Variants in IRGQ observed in about 807,000 individuals in gnomAD.
IRGQ encodes immunity related GTPase Q, also known as immunity-related GTPase family Q protein.
In IRGQ, 5 loss-of-function variants were observed where a neutral mutation model predicts 10.5. The ratio of observed to expected loss-of-function variants is 0.48; its 90% CI spans 0.25 to 1.00. IRGQ has a LOEUF of 1.00. Ranked by LOEUF, IRGQ falls within the 50% of genes least tolerant of loss-of-function variation. IRGQ has a pLI of 0.16. For synonymous variants in IRGQ, 418 were observed against 426.0 expected, an observed-to-expected ratio of 0.98 and a Z score of 0.23; for missense variants, 792 against 877.7, an observed-to-expected ratio of 0.90 and a Z score of 1.23.
rs762460648 is a variant in IRGQ at position 43,594,983 on chromosome 19, C to T, written c.356G>A (p.Gly119Glu). ...PLLAVRNLRP[G>E]DSQTAAQARD... is the part of the protein sequence containing the mutation. ...GGCCTGGGCGGCAGTCTGTGAATCCCCAGGACGGAGGTTCCGCACAGCCAG... is the reference window on the plus strand; with the variant it reads ...GGCCTGGGCGGCAGTCTGTGAATCCTCAGGACGGAGGTTCCGCACAGCCAG... The change falls in exon 2 of 3, where the codon GGG (glycine) becomes GAG (glutamate). Residue 119 changes from glycine to glutamate, a missense_variant. By Grantham distance (98) the Gly-to-Glu change is moderately conservative. Coordinates refer to ENST00000422989, the MANE Select transcript of IRGQ (RefSeq NM_001007561.3). 1.4e-5 allele frequency: 23 copies of T among 1,613,810 alleles called. No individual in the cohort carries two copies. Among genetic ancestry groups the T allele is most frequent in the Non-Finnish European group, 1.9e-5 (23 of 1,179,954 alleles).
chr19:43,595,306 C>T lies in IRGQ; in HGVS notation c.33G>A (p.Leu11=), dbSNP rs796368838. Residue 11 remains leucine (L), a synonymous_variant, in exon 2 of 3, where the codon TTG becomes TTA. Transcript: ENST00000422989. MPPPQGDVTA[L]FLGPPGLGKS... ...TCCCCAAGCCCGGAGGCCCCAGGAACAAGGCGGTCACGTCACCCTGCGGCG... is the reference window on the plus strand; with the variant it reads ...TCCCCAAGCCCGGAGGCCCCAGGAATAAGGCGGTCACGTCACCCTGCGGCG... The T allele has an allele frequency of 6.3e-7, 1 of 1,577,186 alleles. No homozygotes were observed. The highest frequency in any genetic ancestry group is 1.8e-5 in the Admixed American group (1 of 54,958).
Position 43,592,239 on chromosome 19 carries a change from G to A in IRGQ, c.1659C>T (p.Arg553=). The change falls in exon 3 of 3, where the codon CGC becomes CGT. Residue 553 remains arginine, a synonymous_variant. Coordinates refer to ENST00000422989, the MANE Select transcript of IRGQ (RefSeq NM_001007561.3). ...CGCCCAGTCTTGCTTCCACCTCGGC[G>A]CGCGTCACCGGGCCTGGGAAATGAG... ...ARAHFPGPVT[R]AEVEARLGAW... is the part of the protein sequence containing the mutation. 1 of 1,580,560 alleles carries A rather than the reference G, an allele frequency of 6.3e-7. No individual in the cohort carries two copies. The highest frequency in any genetic ancestry group is 8.5e-7 in the Non-Finnish European group (1 of 1,171,028).
Position 43,592,453 on chromosome 19 carries a change from C to A in IRGQ, c.1445G>T (p.Trp482Leu). The A allele has an allele frequency of 6.3e-7, 1 of 1,584,322 alleles. No homozygotes were observed. The highest frequency in any genetic ancestry group is 2.3e-5 in the East Asian group (1 of 43,896). Residue 482 changes from tryptophan to leucine, a missense_variant, in exon 3 of 3, where the codon TGG (tryptophan) becomes TTG (leucine). Trp to Leu is a moderately conservative substitution (Grantham distance 61, BLOSUM62 -2). Coordinates refer to ENST00000422989, the MANE Select transcript of IRGQ (RefSeq NM_001007561.3). ...CAGACTAGCCAGCAGAGCTGGCCTC[C>A]ACGCCCCGGCTCGCAACGCCGCAGC... ...TKAAALRAGA[W>L]RPALLASLAA...
At position 43,590,147 on chromosome 19, in the gene IRGQ, TAC is replaced by T. The variant is rs1219992849; in HGVS notation, c.*1877_*1878del. 6.6e-6 allele frequency: 1 copy of T among 151,902 alleles called. No homozygotes were observed. Among genetic ancestry groups the T allele is most frequent in the East Asian group, 1.9e-4 (1 of 5,186 alleles). The allele number at this position is 151,902 out of a possible 1,614,324, so 9.4% of individuals were successfully genotyped here. On this transcript the variant is annotated 3_prime_UTR_variant, in exon 3 of 3. Transcript: ENST00000422989. ...GGTGGCACATGCCTGTCATCTCAGC[TAC>T]AGTCATCACATCCCTGTACTCCAGA...
intron 2 of IRGQ, 100 bp downstream of exon 2, chr19:43,594,709 G>A: frequency 1.0e-6 from 1 of 961,408 alleles, no homozygotes. Context: ...GCTAAGCCTT[G>A]CCCCAAACTC....
rs551058969 is a variant in IRGQ, at chr19:43,592,426, G to C, written c.1472C>G (p.Ala491Gly). 1.9e-6 allele frequency: 3 copies of C among 1,576,796 alleles called. No homozygotes were observed. Among genetic ancestry groups the C allele is most frequent in the Admixed American group, 3.5e-5 (2 of 57,484 alleles). Reference protein sequence around the residue: ...AWRPALLASLAAAAAPLPGLG... With the variant: ...AWRPALLASLGAAAAPLPGLG... ...CCCTGGGAGTGGTGCCGCCGCCGCC[G>C]CCAGACTAGCCAGCAGAGCTGGCCT... is the stretch of plus-strand genomic sequence containing the variant. The change falls in exon 3 of 3, where the codon GCG (alanine) becomes GGG (glycine). Residue 491 changes from alanine (A) to glycine (G), a missense_variant. Coordinates refer to ENST00000422989, the MANE Select transcript of IRGQ (RefSeq NM_001007561.3).
At chr19:43,595,637 G>C (rs1407026547) in intron 1 of IRGQ, 6 of 264,048 alleles carry the variant, frequency 2.3e-5, no homozygotes, top group African/African-American at 4.4e-5. Flanking sequence ...GCCGAGGCCG[G>C]AGGATCGCTT....
In IRGQ at chr19:43,592,323, C is replaced by T. The variant is rs1436737479; in HGVS notation, c.1575G>A (p.Thr525=). The T allele has an allele frequency of 1.3e-6, 2 of 1,570,978 alleles. No homozygotes were observed. The highest frequency in any genetic ancestry group is 1.4e-5 in the African/African-American group (1 of 74,020). ...GGGCACGCTCACGTCGAGCCAGTGC[C>T]GTGGGTTCCAGCCCCAGGCCCCGTC... ...EWRRGLGLEP[T]ALARRERALG... is the part of the protein sequence containing the mutation. The change falls in exon 3 of 3, where the codon ACG becomes ACA. Residue 525 remains threonine, a synonymous_variant. Coordinates refer to ENST00000422989, the MANE Select transcript of IRGQ (RefSeq NM_001007561.3).
rs1354458876 is a variant in IRGQ, at chr19:43,592,954, T to C, written c.944A>G (p.Gln315Arg). 1 of 1,610,044 alleles carries C rather than the reference T, an allele frequency of 6.2e-7. No homozygotes were observed. The highest frequency in any genetic ancestry group is 1.1e-5 in the South Asian group (1 of 91,086). The change falls in exon 3 of 3, where the codon CAG becomes CGG. Residue 315 changes from glutamine to arginine, a missense_variant. By Grantham distance (43) the Gln-to-Arg change is conservative. Transcript: ENST00000422989. ...PGAPTEKDWA[Q>R]VQALLLPDAP... ...ATCTGGTAGCAGCAAGGCCTGGACC[T>C]GGGCCCAGTCCTTCTCAGTGGGGGC...
In IRGQ at chr19:43,592,550, G is replaced by T. The variant is rs773243880; in HGVS notation, c.1348C>A (p.Leu450Ile). ...PGLCEWLRRA[L>I]PPAQAGALLL... ...AGTGCCCCTGCCTGGGCTGGGGGGAGCGCTCGCCGCAGCCATTCGCATAGC... is the reference window on the plus strand; with the variant it reads ...AGTGCCCCTGCCTGGGCTGGGGGGATCGCTCGCCGCAGCCATTCGCATAGC... Residue 450 changes from leucine (L) to isoleucine (I), a missense_variant, in exon 3 of 3, where the codon CTC becomes ATC. By Grantham distance (5) the Leu-to-Ile change is conservative (BLOSUM62 2). Coordinates refer to ENST00000422989, the MANE Select transcript of IRGQ (RefSeq NM_001007561.3). 6.3e-7 allele frequency: 1 copy of T among 1,597,016 alleles called. No individual in the cohort carries two copies. The highest frequency in any genetic ancestry group is 2.2e-5 in the East Asian group (1 of 44,742).
rs756330662 is a variant in IRGQ, at chr19:43,593,139, C to T, written c.759G>A (p.Ala253=). 7.8e-5 allele frequency: 122 copies of T among 1,559,464 alleles called. No individual in the cohort carries two copies. Among genetic ancestry groups the T allele is most frequent in the Middle Eastern group, 3.4e-4 (2 of 5,816 alleles). Residue 253 remains alanine (A), a synonymous_variant, in exon 3 of 3, where the codon GCG becomes GCA. Transcript: ENST00000422989. The surrounding 1 kb of genome is among the most constrained non-coding windows in gnomAD (Gnocchi z 6.4). The stretch of plus-strand genomic sequence containing the variant: ...TGGGTGCTGTGGGGACCGAAGCAGG[C>T]GCAGCGCCTGGGTCGCCAGGATCCA... ...LGLDPGDPGA[A]PASVPTAPTP... is the part of the protein sequence containing the mutation.
rs2146094621 is a variant in IRGQ at position 43,590,636 on chromosome 19, C to G, written c.*1390G>C. 1 of 152,220 alleles carries G rather than the reference C, an allele frequency of 6.6e-6. No homozygotes were observed. The allele number at this position is 152,220 out of a possible 1,614,324, so 9.4% of individuals were successfully genotyped here. A position where few individuals can be genotyped will look rare whatever the true frequency, so the allele number is the denominator to read the frequency against. On this transcript the variant is annotated 3_prime_UTR_variant, in exon 3 of 3. Transcript: ENST00000422989. Reference sequence around the variant, plus strand: ...GGTGTCCATACAGAAGTGTTTGGACCAGTGCAGCAGTACAGCTGCTCTTCT... The same window carrying G: ...GGTGTCCATACAGAAGTGTTTGGACGAGTGCAGCAGTACAGCTGCTCTTCT...
Position 43,591,676 on chromosome 19 carries a change from C to T in IRGQ, c.*350G>A, listed in dbSNP as rs1301114063. ...CAGCCTGGCCAACATGGTGAAACCC[C>T]GTCTCTACTAAAAATACAAAAATTA... On this transcript the variant is annotated 3_prime_UTR_variant, in exon 3 of 3. Coordinates refer to ENST00000422989, the MANE Select transcript of IRGQ (RefSeq NM_001007561.3). The T allele has an allele frequency of 1.7e-5, 3 of 180,060 alleles. No individual in the cohort carries two copies. Among genetic ancestry groups the T allele is most frequent in the Non-Finnish European group, 3.5e-5 (3 of 86,760 alleles). 11.2% of individuals were successfully genotyped at this position (180,060 alleles called of 1,614,324 possible).
rs1359294589 is a variant in IRGQ at position 43,588,845 on chromosome 19, G to C, written c.*3181C>G. ...GATTGCAGGGCTTAGACACTAATAT[G>C]ATGGGGTAAAGATATGGATGAATAT... On this transcript the variant is annotated 3_prime_UTR_variant, in exon 3 of 3. Coordinates refer to ENST00000422989, the MANE Select transcript of IRGQ (RefSeq NM_001007561.3). The C allele has an allele frequency of 6.6e-6, 1 of 152,248 alleles. No homozygotes were observed. The highest frequency in any genetic ancestry group is 1.5e-5 in the Non-Finnish European group (1 of 68,048). The allele number at this position is 152,248 out of a possible 1,614,324, so 9.4% of individuals were successfully genotyped here.
In IRGQ at chr19:43,590,006, T is replaced by A. The variant is rs1461081616; in HGVS notation, c.*2020A>T. ...CGGCCATGATGGCTCACACCTGTAA[T>A]CCCAGCACTTTGGGAGTCTGAGTCG... On this transcript the variant is annotated 3_prime_UTR_variant, in exon 3 of 3. Coordinates refer to ENST00000422989, the MANE Select transcript of IRGQ (RefSeq NM_001007561.3). 6.6e-6 allele frequency: 1 copy of A among 152,282 alleles called. No homozygotes were observed. Among genetic ancestry groups the A allele is most frequent in the African/African-American group, 2.4e-5 (1 of 41,424 alleles). The allele number at this position is 152,282 out of a possible 1,614,324, so 9.4% of individuals were successfully genotyped here.
chr19:43,595,073 C>G lies in IRGQ; in HGVS notation c.266G>C (p.Gly89Ala). Reference sequence around the variant, plus strand: ...TCCCAGGGCTGGAGCCAACGGTTCCCCGTTCCCCTCGGGTCCGGGCAGCAC... The same window carrying G: ...TCCCAGGGCTGGAGCCAACGGTTCCGCGTTCCCCTCGGGTCCGGGCAGCAC... ...VLVLPGPEGN[G>A]EPLAPALGEA... Residue 89 changes from glycine (G) to alanine (A), a missense_variant, in exon 2 of 3, where the codon GGG (glycine) becomes GCG (alanine). Gly to Ala is a moderately conservative substitution (Grantham distance 60, BLOSUM62 0). Transcript: ENST00000422989. The G allele has an allele frequency of 1.9e-6, 3 of 1,612,480 alleles. No homozygotes were observed. The highest frequency in any genetic ancestry group is 2.5e-6 in the Non-Finnish European group (3 of 1,179,428).
intron 2 of IRGQ, 82 bp downstream of exon 2, chr19:43,594,727 G>C (rs1420691978): frequency 1.7e-6 from 2 of 1,206,476 alleles, no homozygotes; most frequent in Non-Finnish European, 2.3e-6. Context: ...CTCACTGGGG[G>C]AGGGATCTCA....
At position 43,586,423 on chromosome 19, in the gene IRGQ, A is replaced by C. The variant is rs1972994826; in HGVS notation, c.*5603T>G. 6.6e-6 allele frequency: 1 copy of C among 152,342 alleles called. No homozygotes were observed. The highest frequency in any genetic ancestry group is 1.9e-4 in the East Asian group (1 of 5,186). 9.4% of individuals were successfully genotyped at this position (152,342 alleles called of 1,614,324 possible). A position where few individuals can be genotyped will look rare whatever the true frequency, so the allele number is the denominator to read the frequency against. On this transcript the variant is annotated 3_prime_UTR_variant, in exon 3 of 3. Transcript: ENST00000422989. Reference sequence around the variant, plus strand: ...TATATACAACTGTGTAAACACAACCAATCTACAACTATATCAACACAACCA... The same window carrying C: ...TATATACAACTGTGTAAACACAACCCATCTACAACTATATCAACACAACCA...
Position 43,591,762 on chromosome 19 carries a change from C to T in IRGQ, c.*264G>A. The T allele has an allele frequency of 3.0e-6, 1 of 332,004 alleles. No individual in the cohort carries two copies. The highest frequency in any genetic ancestry group is 1.0e-4 in the South Asian group (1 of 9,624). 20.6% of individuals were successfully genotyped at this position (332,004 alleles called of 1,614,324 possible). On this transcript the variant is annotated 3_prime_UTR_variant, in exon 3 of 3. Transcript: ENST00000422989. ...ACTCCGGACGCTGAGGCAGGAGAATCGCTTGAACCCGGGAGGCGGAGGTTG... is the reference window on the plus strand; with the variant it reads ...ACTCCGGACGCTGAGGCAGGAGAATTGCTTGAACCCGGGAGGCGGAGGTTG...
Sources: gnomAD v4.1 joint callset for allele counts on GRCh38, gnomAD v4.1.1 for gene constraint, Gnocchi (gnomAD v3.1) non-coding constraint, MANE v1.5 for transcripts, NCBI Gene and HGNC (gene_info 2026-07-23, HGNC 2026-07-21) for gene names.